The following SCHIP1 variants were observed in gnomAD, a reference collection of about 807,000 sequenced individuals.
SCHIP1 encodes the protein schwannomin interacting protein 1, also known as schwannomin-interacting protein 1.
SCHIP1 carries 8 observed loss-of-function variants against 29.7 expected under a neutral mutation model. The ratio of observed to expected loss-of-function variants is 0.27; its 90% CI spans 0.16 to 0.49. SCHIP1 has a LOEUF of 0.49. Among genes scored for constraint, SCHIP1 ranks in the 20% least tolerant of loss-of-function variants. The probability of loss-of-function intolerance (pLI) is 0.99; values close to 1 mark genes in which losing one functional copy is unlikely to be tolerated. For missense variants in SCHIP1, 193 were observed against 294.6 expected, an observed-to-expected ratio of 0.66 and a Z score of 2.52; for synonymous variants, 76 against 94.9, an observed-to-expected ratio of 0.80 and a Z score of 1.16.
At chr3:159,775,936 A>G in the SCHIP1 span, among the ~76,000 whole-genome samples, 2 of 152,214 alleles carry the variant, frequency 1.3e-5, no homozygotes, top group Non-Finnish European at 2.9e-5. Context: ...TAAAAACAAA[A>G]GCAGAAAAGC....
At chr3:159,343,349 T>C in the SCHIP1 span, among the ~76,000 whole-genome samples, 1 of 152,338 alleles carries the variant, frequency 6.6e-6, no homozygotes, top group South Asian at 2.1e-4. Flanking sequence ...TTCTGCAAAG[T>C]CATAAAACAC....
chr3:159,364,819 C>A, the SCHIP1 span, among the ~76,000 whole-genome samples: 306 of 152,264 alleles, frequency 2.0e-3, 1 homozygote, highest in Non-Finnish European at 3.7e-3. Context: ...TGGCCCTTTC[C>A]CTTCAGGATG....
At chr3:159,528,795 C>A in the SCHIP1 span, among the ~76,000 whole-genome samples, 1 of 152,196 alleles carries the variant, frequency 6.6e-6, no homozygotes, top group Non-Finnish European at 1.5e-5. Flanking sequence ...TCACACACAA[C>A]TCTGTAATCT....
At chr3:159,779,089 T>A in the SCHIP1 span, among the ~76,000 whole-genome samples, 1 of 152,336 alleles carries the variant, frequency 6.6e-6, no homozygotes, top group South Asian at 2.1e-4. Context: ...GTGAAGGCTC[T>A]ATGAATGTCC....
At chr3:159,739,588 C>A in the SCHIP1 span, among the ~76,000 whole-genome samples, 1 of 152,178 alleles carries the variant, frequency 6.6e-6, no homozygotes, top group Non-Finnish European at 1.5e-5. Flanking sequence ...GTTTCCTCTA[C>A]ATTCATTTAA....
the SCHIP1 span, among the ~76,000 whole-genome samples, chr3:159,790,883 C>A: frequency 6.6e-6 from 1 of 152,008 alleles, no homozygotes; most frequent in African/African-American, 2.4e-5. Context: ...GTTTCTTAAT[C>A]CTTTAAACCA....
chr3:159,311,702 T>C, the SCHIP1 span, among the ~76,000 whole-genome samples: 1 of 152,166 alleles, frequency 6.6e-6, no homozygotes, highest in South Asian at 2.1e-4. Flanking sequence ...AATCATATTG[T>C]GCAATGCACT....
the SCHIP1 span, among the ~76,000 whole-genome samples, chr3:159,497,338 G>C: frequency 2.6e-5 from 4 of 151,840 alleles, no homozygotes; most frequent in Non-Finnish European, 4.4e-5. Context: ...TATCAATAAA[G>C]ACCCTTGATA....
the SCHIP1 span, among the ~76,000 whole-genome samples, chr3:159,278,803 A>T: frequency 6.6e-6 from 1 of 152,322 alleles, no homozygotes; most frequent in South Asian, 2.1e-4. Flanking sequence ...CCCCAAAAGT[A>T]TAATAGCTCA....
intron 2 of SCHIP1, among the ~76,000 whole-genome samples, chr3:159,876,849 A>G (rs1312800132): frequency 2.0e-5 from 3 of 152,212 alleles, no homozygotes; most frequent in African/African-American, 7.2e-5. Context: ...CTTTTGGGCC[A>G]TCGGGAGATG....
the SCHIP1 span, among the ~76,000 whole-genome samples, chr3:159,642,444 T>C: frequency 0.15 from 22,797 of 152,030 alleles, 4,692 homozygotes; most frequent in African/African-American, 0.47. Context: ...ACCCAATATG[T>C]GAAGACTTCA....
chr3:159,776,387 G>T, the SCHIP1 span, among the ~76,000 whole-genome samples: 1 of 140,930 alleles, frequency 7.1e-6, no homozygotes, highest in African/African-American at 2.8e-5. Flanking sequence ...AAAGAACAAA[G>T]CTTCAACAGT....
chr3:159,612,428 A>T, the SCHIP1 span, among the ~76,000 whole-genome samples: 1 of 152,222 alleles, frequency 6.6e-6, no homozygotes, highest in African/African-American at 2.4e-5. Flanking sequence ...CAATGTTGGC[A>T]TAATTCTGAC....
the SCHIP1 span, among the ~76,000 whole-genome samples, chr3:159,575,174 G>A: frequency 1.6e-4 from 25 of 152,242 alleles, no homozygotes; most frequent in South Asian, 4.1e-4. Context: ...GAAATCACCC[G>A]TCTTCTTCGT....
chr3:159,644,776 T>C, the SCHIP1 span, among the ~76,000 whole-genome samples: 55 of 152,256 alleles, frequency 3.6e-4, no homozygotes, highest in Non-Finnish European at 6.3e-4. Flanking sequence ...GTGCTTATCT[T>C]GTGTCATTTA....
the SCHIP1 span, among the ~76,000 whole-genome samples, chr3:159,575,147 C>A: frequency 3.9e-5 from 6 of 152,214 alleles, no homozygotes; most frequent in African/African-American, 1.4e-4. Flanking sequence ...GAACCAGGTA[C>A]CTCAGTTGGA....
the SCHIP1 span, among the ~76,000 whole-genome samples, chr3:159,591,680 A>C: frequency 6.6e-6 from 1 of 152,146 alleles, no homozygotes; most frequent in Non-Finnish European, 1.5e-5. Flanking sequence ...AGAAAACCAA[A>C]CACCACATGT....
the SCHIP1 span, among the ~76,000 whole-genome samples, chr3:159,659,648 G>T: frequency 7.2e-5 from 11 of 152,134 alleles, no homozygotes; most frequent in Admixed American, 7.2e-4. Flanking sequence ...ATTGTGCTAA[G>T]AAGACTGACA....
the SCHIP1 span, among the ~76,000 whole-genome samples, chr3:159,334,850 G>T: frequency 6.6e-6 from 1 of 151,438 alleles, no homozygotes. Context: ...AGACATTCAT[G>T]TACAGGTTTT....
Sources: allele counts gnomAD v4.1 joint callset (sites outside exome capture counted in the v4.1 genomes callset), GRCh38; gene constraint gnomAD v4.1.1; transcripts MANE v1.5; gene names NCBI Gene and HGNC (gene_info 2026-07-23, HGNC 2026-07-21).